MAN1A2: variants seen among roughly 807,000 people sequenced by gnomAD.
MAN1A2 encodes the protein mannosyl-oligosaccharide 1,2-alpha-mannosidase IB.
MAN1A2 carries 26 observed loss-of-function variants against 75.7 expected under a neutral mutation model. The observed-to-expected ratio is 0.34, with a 90% confidence interval of 0.25 to 0.48. The LOEUF (loss-of-function observed/expected upper bound fraction) is 0.48, where lower values mean the gene tolerates loss of function less well. MAN1A2 is among the 20% of genes least tolerant of loss of function. The pLI, the probability that MAN1A2 is intolerant of heterozygous loss-of-function variation, is 0.99. For synonymous variants in MAN1A2, 247 were observed against 264.6 expected, an observed-to-expected ratio of 0.93 and a Z score of 0.65; for missense variants, 562 against 775.5, an observed-to-expected ratio of 0.72 and a Z score of 3.27.
chr1:117,504,812 GT>G lies in MAN1A2; in HGVS notation c.1793+1844del, dbSNP rs552492724. On this transcript the variant is annotated intron_variant, in intron 12 of 12. Transcript: ENST00000356554. ...TTTCAGGCTAGTTGCTTTGAGGAAT[GT>G]TCCCCATTTTAGATTTTTTTCTAAT... is the stretch of plus-strand genomic sequence containing the variant. 3.7e-3 allele frequency among the ~76,000 whole-genome samples: 566 copies of G among 151,356 alleles called. 6 individuals carry two copies. The highest frequency in any genetic ancestry group is 0.017 in the Middle Eastern group (5 of 294).
At chr1:117,414,141 A>T (rs1647911449) in intron 3 of MAN1A2, among the ~76,000 whole-genome samples, 1 of 150,974 alleles carries the variant, frequency 6.6e-6, no homozygotes, top group South Asian at 2.1e-4. Context: ...ATTTTGTTTG[A>T]TGGTTTCCTT....
At position 117,377,733 on chromosome 1, in the gene MAN1A2, C is replaced by G. The variant is rs921995757; in HGVS notation, c.302+9248C>G. On this transcript the variant is annotated intron_variant, in intron 1 of 12. Transcript: ENST00000356554. ...TGCTGTGAATCTTTCTGGTTACTCCCAAAAGCACCACACTATTTTAATTTC... is the reference window on the plus strand; with the variant it reads ...TGCTGTGAATCTTTCTGGTTACTCCGAAAAGCACCACACTATTTTAATTTC... 2.0e-5 allele frequency among the ~76,000 whole-genome samples: 3 copies of G among 152,148 alleles called. No individual in the cohort carries two copies. In the East Asian group the frequency reaches 5.8e-4, roughly 29 times the overall value.
In MAN1A2 at chr1:117,527,461, A is replaced by C. The variant is rs1269417171; in HGVS notation, c.*4504A>C. 1 of 152,008 alleles carries C rather than the reference A, an allele frequency of 6.6e-6. No individual in the cohort carries two copies. The highest frequency in any genetic ancestry group is 1.5e-5 in the Non-Finnish European group (1 of 67,928). The allele number at this position is 152,008 out of a possible 1,614,324, so 9.4% of individuals were successfully genotyped here. On this transcript the variant is annotated 3_prime_UTR_variant, in exon 13 of 13. Coordinates refer to ENST00000356554, the MANE Select transcript of MAN1A2 (RefSeq NM_006699.5). ...TACATAATTCATTTTTAAATCAAAA[A>C]GATGTGCGTATATATGGTTGTGTGT...
Position 117,466,719 on chromosome 1 carries a change from AT to A in MAN1A2, c.1168+293del, listed in dbSNP as rs541748636. ...TTAAAAACTCTTATTAATAAATTAT[AT>A]CTTCATGTAAATAAAAGCACTGCTT... On this transcript the variant is annotated intron_variant, in intron 8 of 12. Coordinates refer to ENST00000356554, the MANE Select transcript of MAN1A2 (RefSeq NM_006699.5). Among the ~76,000 whole-genome samples, 442 of 152,304 alleles carry A rather than the reference AT, an allele frequency of 2.9e-3. 1 individual carries two copies. Among genetic ancestry groups the A allele is most frequent in the Non-Finnish European group, 5.3e-3 (358 of 68,010 alleles).
At chr1:117,450,364 G>A (rs759092063) in intron 6 of MAN1A2, among the ~76,000 whole-genome samples, 1 of 152,128 alleles carries the variant, frequency 6.6e-6, no homozygotes, top group Non-Finnish European at 1.5e-5. Context: ...AGGTGACTTG[G>A]GTGCTGTTAA....
intron 5 of MAN1A2, among the ~76,000 whole-genome samples, chr1:117,432,307 A>G (rs1458142294): frequency 5.3e-5 from 8 of 152,124 alleles, no homozygotes; most frequent in Admixed American, 5.2e-4. Flanking sequence ...TTAATAATGT[A>G]GACAAAACAA....
At chr1:117,489,615 T>C (rs927759666) in intron 8 of MAN1A2, among the ~76,000 whole-genome samples, 1 of 152,116 alleles carries the variant, frequency 6.6e-6, no homozygotes, top group African/African-American at 2.4e-5. Context: ...TTTATTTGTC[T>C]TTTAGCTTTA....
Position 117,391,186 on chromosome 1 carries a change from T to C in MAN1A2, c.303-11000T>C, listed in dbSNP as rs959758071. 3.9e-5 allele frequency among the ~76,000 whole-genome samples: 6 copies of C among 152,182 alleles called. 1 individual carries two copies. In the South Asian group the frequency reaches 1.2e-3, roughly 31 times the overall value. On this transcript the variant is annotated intron_variant, in intron 1 of 12. Coordinates refer to ENST00000356554, the MANE Select transcript of MAN1A2 (RefSeq NM_006699.5). ...CATACTTTATATGGTCTGAATACTT[T>C]TAATTTCATTGAAACTTGTTTTATG...
chr1:117,474,794 T>C (rs12127779), intron 8 of MAN1A2, among the ~76,000 whole-genome samples: 17,144 of 151,948 alleles, frequency 0.11, 1,062 homozygotes, highest in Non-Finnish European at 0.14. Context: ...ACAATCAAAA[T>C]AGTGAACATA....
intron 7 of MAN1A2, among the ~76,000 whole-genome samples, chr1:117,465,659 C>T (rs183054139): frequency 3.3e-5 from 5 of 152,090 alleles, no homozygotes; most frequent in Non-Finnish European, 7.4e-5. Context: ...GAACATAACA[C>T]CTCCTCCCAC....
At chr1:117,449,902 T>C (rs1413579951) in intron 6 of MAN1A2, among the ~76,000 whole-genome samples, 1 of 152,186 alleles carries the variant, frequency 6.6e-6, no homozygotes, top group African/African-American at 2.4e-5. Flanking sequence ...GGAGAAAAGT[T>C]TGAGGCTTGC....
chr1:117,461,364 G>T (rs1467276383), intron 7 of MAN1A2, among the ~76,000 whole-genome samples: 2 of 152,124 alleles, frequency 1.3e-5, no homozygotes. Context: ...ATCTCACGGA[G>T]GTAGAGAATA....
rs566935703 is a variant in MAN1A2, at chr1:117,408,893, T to C, written c.655+3248T>C. On this transcript the variant is annotated intron_variant, in intron 3 of 12. Coordinates refer to ENST00000356554, the MANE Select transcript of MAN1A2 (RefSeq NM_006699.5). ...TAATTTGTGGTTTTTGAGTAATTGGTCTGGTTTTATCTAAGTTATTGATTT... is the reference window on the plus strand; with the variant it reads ...TAATTTGTGGTTTTTGAGTAATTGGCCTGGTTTTATCTAAGTTATTGATTT... Among the ~76,000 whole-genome samples, 3 of 152,210 alleles carry C rather than the reference T, an allele frequency of 2.0e-5. No individual in the cohort carries two copies. The South Asian group carries it at 6.2e-4, about 32-fold the overall frequency.
chr1:117,387,552 T>C (rs1473958011), intron 1 of MAN1A2, among the ~76,000 whole-genome samples: 1 of 152,112 alleles, frequency 6.6e-6, no homozygotes, highest in Non-Finnish European at 1.5e-5. Flanking sequence ...CTAATGCAAA[T>C]AAAGTACATT....
intron 4 of MAN1A2, among the ~76,000 whole-genome samples, chr1:117,417,036 T>C (rs894271596): frequency 6.6e-6 from 1 of 152,162 alleles, no homozygotes; most frequent in African/African-American, 2.4e-5. Flanking sequence ...AAGACTCTTC[T>C]TCCTCCAGTC....
In MAN1A2 at chr1:117,496,623, T is replaced by C. The variant is rs541622395; in HGVS notation, c.1285-140T>C. 2,833 of 615,558 alleles carry C rather than the reference T, an allele frequency of 4.6e-3. 13 individuals are homozygous for C. The highest frequency in any genetic ancestry group is 7.0e-3 in the Non-Finnish European group (2,467 of 352,838). 38.1% of individuals were successfully genotyped at this position (615,558 alleles called of 1,614,324 possible). A position where few individuals can be genotyped will look rare whatever the true frequency, so the allele number is the denominator to read the frequency against. ...TGATCACCCACTCCGACACTTGCTGTTAATTAAGTCTCAGTTTGGGAAAGT... is the reference window on the plus strand; with the variant it reads ...TGATCACCCACTCCGACACTTGCTGCTAATTAAGTCTCAGTTTGGGAAAGT... On this transcript the variant is annotated intron_variant, in intron 9 of 12. Transcript: ENST00000356554.
intron 12 of MAN1A2, among the ~76,000 whole-genome samples, chr1:117,503,849 T>A (rs1651272725): frequency 6.6e-6 from 1 of 151,608 alleles, no homozygotes; most frequent in South Asian, 2.1e-4. Context: ...GTTCTCAAAC[T>A]AAGTTTCTAA....
rs56712136 is a variant in MAN1A2 at position 117,504,444 on chromosome 1, CTT to C, written c.1793+1482_1793+1483del. On this transcript the variant is annotated intron_variant, in intron 12 of 12. Transcript: ENST00000356554. ...ACACTCACATATACACATAGTTTTA[CTT>C]TTTTTTTAGCTTTTTATTTTGCTGG... Among the ~76,000 whole-genome samples, 106 of 148,642 alleles carry C rather than the reference CTT, an allele frequency of 7.1e-4. 1 individual carries two copies. The highest frequency in any genetic ancestry group is 2.6e-3 in the African/African-American group (105 of 40,692).
At chr1:117,404,911 CAGGTGTGGTGG>C (rs1380262451) in intron 2 of MAN1A2, among the ~76,000 whole-genome samples, 3 of 151,956 alleles carry the variant, frequency 2.0e-5, no homozygotes, top group African/African-American at 7.3e-5. Flanking sequence ...AAAAATTAGC[CAGGTGTGGTGG>C]TGGGCACCTC....
Sources: gnomAD v4.1 joint callset for allele counts (sites outside exome capture counted in the v4.1 genomes callset) on GRCh38, gnomAD v4.1.1 for gene constraint, MANE v1.5 for transcripts, NCBI Gene and HGNC (gene_info 2026-07-23, HGNC 2026-07-21) for gene names.